Variants in EXT1 observed in about 807,000 individuals in gnomAD.
EXT1 encodes the protein exostosin glycosyltransferase 1.
Under a neutral mutation model 82.5 loss-of-function variants are expected in EXT1, and 20 were observed. That is an observed-to-expected ratio of 0.24 (90% CI 0.17 to 0.35). The LOEUF is 0.35. EXT1 is among the 10% of genes least tolerant of loss of function. The probability of loss-of-function intolerance (pLI) is 1.00; values close to 1 mark genes in which losing one functional copy is unlikely to be tolerated. For synonymous variants in EXT1, 348 were observed against 350.8 expected, an observed-to-expected ratio of 0.99 and a Z score of 0.09; for missense variants, 757 against 936.5, an observed-to-expected ratio of 0.81 and a Z score of 2.50.
intron 1 of EXT1, among the ~76,000 whole-genome samples, chr8:117,899,219 T>TTCTA (rs1309020156): frequency 1.3e-5 from 2 of 152,202 alleles, no homozygotes; most frequent in Non-Finnish European, 2.9e-5. Flanking sequence ...CTGGCAGTAG[T>TTCTA]ATATGTTGTG....
chr8:117,952,201 C>T (rs1318473197), intron 1 of EXT1, among the ~76,000 whole-genome samples: 1 of 152,190 alleles, frequency 6.6e-6, no homozygotes, highest in African/African-American at 2.4e-5. Flanking sequence ...TTTTTAAATA[C>T]ACATCACCAC....
chr8:118,103,418 C>T (rs1671939903), intron 1 of EXT1, among the ~76,000 whole-genome samples: 1 of 152,168 alleles, frequency 6.6e-6, no homozygotes, highest in South Asian at 2.1e-4. Context: ...TTCCAAAGTG[C>T]TGGGATTACA....
intron 3 of EXT1, among the ~76,000 whole-genome samples, chr8:117,832,521 A>G (rs998004741): frequency 9.2e-6 from 1 of 108,576 alleles, no homozygotes; most frequent in African/African-American, 2.9e-5. Flanking sequence ...AGACTGTCTT[A>G]AAAAAAAAAA....
intron 1 of EXT1, among the ~76,000 whole-genome samples, chr8:117,995,406 AT>A (rs776135387): frequency 3.6e-4 from 55 of 152,260 alleles, no homozygotes; most frequent in Non-Finnish European, 4.6e-4. Flanking sequence ...TTCATCAATG[AT>A]ATCCCCTTGG....
intron 1 of EXT1, among the ~76,000 whole-genome samples, chr8:117,920,542 A>G (rs1813836274): frequency 6.6e-6 from 1 of 152,194 alleles, no homozygotes; most frequent in South Asian, 2.1e-4. Flanking sequence ...TCATTTAACA[A>G]AGCAAACACC....
chr8:117,963,004 C>T (rs544479744), intron 1 of EXT1, among the ~76,000 whole-genome samples: 10 of 152,278 alleles, frequency 6.6e-5, no homozygotes, highest in African/African-American at 2.4e-4. Flanking sequence ...AGGTAGGAAA[C>T]TGGACATGAC....
intron 1 of EXT1, among the ~76,000 whole-genome samples, chr8:117,895,481 C>A (rs1049478222): frequency 1.1e-4 from 17 of 152,120 alleles, no homozygotes; most frequent in African/African-American, 3.4e-4. Flanking sequence ...ACAGCCAGAA[C>A]CCTAAGTAGT....
chr8:117,895,843 C>T (rs1813325441), intron 1 of EXT1, among the ~76,000 whole-genome samples: 2 of 152,114 alleles, frequency 1.3e-5, no homozygotes, highest in South Asian at 4.1e-4. Flanking sequence ...TTGCTCCCTG[C>T]CTAGTGCCTC....
intron 1 of EXT1, among the ~76,000 whole-genome samples, chr8:117,844,077 C>T (rs2129810082): frequency 6.6e-6 from 1 of 152,010 alleles, no homozygotes; most frequent in East Asian, 1.9e-4. Flanking sequence ...TATTTACTAA[C>T]CATGTTGCCT....
chr8:117,897,939 G>A (rs781656311), intron 1 of EXT1, among the ~76,000 whole-genome samples: 5 of 152,086 alleles, frequency 3.3e-5, no homozygotes, highest in Non-Finnish European at 5.9e-5. Context: ...GTTCCACTTT[G>A]AATGCAAGAA....
intron 1 of EXT1, among the ~76,000 whole-genome samples, chr8:117,863,214 C>A (rs1812715217): frequency 7.0e-6 from 1 of 143,832 alleles, no homozygotes; most frequent in East Asian, 1.9e-4. Context: ...GTATCATCCT[C>A]TTTTTACAGA....
intron 1 of EXT1, among the ~76,000 whole-genome samples, chr8:117,944,584 C>T (rs1399510335): frequency 6.6e-6 from 1 of 152,120 alleles, no homozygotes; most frequent in Non-Finnish European, 1.5e-5. Context: ...CGGCTATGAC[C>T]GTACTCTGCA....
At chr8:117,830,125 T>C (rs1812073723) in intron 4 of EXT1, 105 bp downstream of exon 4, 9 of 1,455,308 alleles carry the variant, frequency 6.2e-6, no homozygotes, top group Non-Finnish European at 7.7e-6. Context: ...GAATCTGGTT[T>C]TGCCCCACTG....
chr8:117,804,191 C>T (rs1222169346), intron 10 of EXT1, among the ~76,000 whole-genome samples: 3 of 152,074 alleles, frequency 2.0e-5, no homozygotes, highest in Non-Finnish European at 4.4e-5. Context: ...ATGATTAGGT[C>T]ATGAGGGTGG....
intron 1 of EXT1, among the ~76,000 whole-genome samples, chr8:118,043,196 T>G (rs1250761637): frequency 6.6e-6 from 1 of 152,174 alleles, no homozygotes; most frequent in Non-Finnish European, 1.5e-5. Context: ...ACTTTTCAGT[T>G]CTTTGAAGTG....
At chr8:117,957,483 G>C (rs529953595) in intron 1 of EXT1, among the ~76,000 whole-genome samples, 102 of 152,316 alleles carry the variant, frequency 6.7e-4, no homozygotes, top group African/African-American at 2.3e-3. Context: ...GTCTTACGGA[G>C]GGAGCCCCAA....
chr8:118,024,754 G>A (rs1586349411), intron 1 of EXT1, among the ~76,000 whole-genome samples: 1 of 152,172 alleles, frequency 6.6e-6, no homozygotes, highest in East Asian at 1.9e-4. Context: ...TGGGCCTAGA[G>A]GTCTGAGAAA....
At chr8:117,834,430 T>C (rs1264205070) in intron 3 of EXT1, among the ~76,000 whole-genome samples, 1 of 151,898 alleles carries the variant, frequency 6.6e-6, no homozygotes, top group Non-Finnish European at 1.5e-5. Flanking sequence ...CATGGTGAAA[T>C]CCCATCTCTA....
intron 1 of EXT1, among the ~76,000 whole-genome samples, chr8:117,989,234 A>G (rs898568243): frequency 6.6e-6 from 1 of 151,616 alleles, no homozygotes; most frequent in Non-Finnish European, 1.5e-5. Context: ...TACAAAAGGA[A>G]TTCCTCCCCC....
Sources: allele counts gnomAD v4.1 joint callset (sites outside exome capture counted in the v4.1 genomes callset), GRCh38; gene constraint gnomAD v4.1.1; transcripts MANE v1.5; gene names NCBI Gene and HGNC (gene_info 2026-07-23, HGNC 2026-07-21).